MACROH2A1: variants seen among roughly 807,000 people sequenced by gnomAD.
MACROH2A1 encodes the protein core histone macro-H2A.1.
MACROH2A1 carries 2 observed loss-of-function variants against 31.6 expected under a neutral mutation model. The ratio of observed to expected loss-of-function variants is 0.06; its 90% confidence interval spans 0.03 to 0.20. MACROH2A1 has a LOEUF of 0.20. Among genes scored for constraint, MACROH2A1 ranks in the 10% least tolerant of loss-of-function variants. MACROH2A1 has a pLI of 1.00. For missense variants in MACROH2A1, 230 were observed against 474.0 expected (o/e 0.49, Z 4.78); for synonymous variants, 169 against 189.6 (o/e 0.89, Z 0.89).
intron 5 of MACROH2A1, chr5:135,357,676 A>T (rs1436393855): frequency 1.1e-6 from 1 of 951,456 alleles, no homozygotes; most frequent in Non-Finnish European, 1.3e-6. Context: ...CTCTGAAAAA[A>T]GGCTGCAAAT....
At chr5:135,339,744 G>A (rs994778490) in intron 8 of MACROH2A1, among the ~76,000 whole-genome samples, 2 of 152,168 alleles carry the variant, frequency 1.3e-5, no homozygotes, top group Non-Finnish European at 2.9e-5. Flanking sequence ...AGGCCACTTT[G>A]ATCCAAGTCA....
intron 1 of MACROH2A1, among the ~76,000 whole-genome samples, chr5:135,390,298 T>C (rs1767039834): frequency 6.6e-6 from 1 of 152,170 alleles, no homozygotes; most frequent in Admixed American, 6.5e-5. Flanking sequence ...GTGTGCCCAT[T>C]CTCCCATCAG....
At chr5:135,352,804 C>G (rs967321382) in intron 6 of MACROH2A1, 142 bp downstream of exon 6, 13 of 630,616 alleles carry the variant, frequency 2.1e-5, no homozygotes, top group Non-Finnish European at 3.5e-5. Flanking sequence ...AGTTGATATT[C>G]AGCGTCTACA....
intron 5 of MACROH2A1, chr5:135,357,749 T>G (rs1762353351): frequency 1.0e-6 from 1 of 984,948 alleles, no homozygotes; most frequent in South Asian, 4.7e-5. Context: ...ATTTCTTTTT[T>G]AAAACAATTC....
chr5:135,353,097 GAGA>G, intron 5 of MACROH2A1, 52 bp from the exon 6 acceptor site: 1 of 1,153,368 alleles, frequency 8.7e-7, no homozygotes, highest in Non-Finnish European at 1.3e-6. Flanking sequence ...GGAAGTCTCA[GAGA>G]AGGAGCCTTG....
intron 5 of MACROH2A1, chr5:135,358,596 C>G (rs997897839): frequency 3.0e-6 from 3 of 985,168 alleles, no homozygotes; most frequent in African/African-American, 1.7e-5. Flanking sequence ...GGCAGCTTAA[C>G]CATTCCTTTC....
chr5:135,363,566 T>C (rs1212280928), intron 4 of MACROH2A1, among the ~76,000 whole-genome samples: 1 of 152,250 alleles, frequency 6.6e-6, no homozygotes, highest in Non-Finnish European at 1.5e-5. Flanking sequence ...ATTTTCTTAA[T>C]CCAGTCTATC....
intron 2 of MACROH2A1, among the ~76,000 whole-genome samples, chr5:135,386,248 G>A (rs1029243179): frequency 1.3e-5 from 2 of 152,130 alleles, no homozygotes; most frequent in African/African-American, 2.4e-5. Flanking sequence ...CCAGAGTCTG[G>A]CTCCTCTCCC....
chr5:135,388,936 A>T lies in MACROH2A1; in HGVS notation c.158T>A (p.Leu53Gln). Residue 53 changes from leucine (L) to glutamine (Q), a missense_variant, in exon 2 of 9, where the codon CTG becomes CAG. Leu to Gln is a moderately radical substitution (Grantham distance 113, BLOSUM62 -2). Coordinates refer to ENST00000511689, the MANE Select transcript of MACROH2A1 (RefSeq NM_138610.3). ...GGTACACTCACCTGTCAGGTATTCC[A>T]GGACGGCGGCCATGTACACGGGTGC... ...VGAPVYMAAV[L>Q]EYLTAEILEL... 6.2e-7 allele frequency: 1 copy of T among 1,606,590 alleles called. No individual in the cohort carries two copies.
At chr5:135,397,704 T>C (rs1768212523) in intron 1 of MACROH2A1, among the ~76,000 whole-genome samples, 1 of 152,236 alleles carries the variant, frequency 6.6e-6, no homozygotes, top group African/African-American at 2.4e-5. Flanking sequence ...TCTAGTTAAA[T>C]GTGTACAATG....
intron 5 of MACROH2A1, chr5:135,357,807 T>C: frequency 2.0e-6 from 2 of 983,534 alleles, no homozygotes; most frequent in South Asian, 9.4e-5. Context: ...ATGGCTATGA[T>C]GACTCCTGAG....
intron 1 of MACROH2A1, among the ~76,000 whole-genome samples, chr5:135,393,994 A>C (rs1767610961): frequency 6.6e-6 from 1 of 152,214 alleles, no homozygotes; most frequent in Non-Finnish European, 1.5e-5. Context: ...ATGCGACTGG[A>C]GCAACGCAGT....
chr5:135,335,303 G>A (rs979221740), intron 8 of MACROH2A1, among the ~76,000 whole-genome samples, 162 bp from the exon 9 acceptor site: 2 of 152,228 alleles, frequency 1.3e-5, no homozygotes, highest in African/African-American at 4.8e-5. Flanking sequence ...GGAAAGCCCA[G>A]TGCCCAGAAG....
intron 2 of MACROH2A1, among the ~76,000 whole-genome samples, chr5:135,384,921 C>T (rs1002947349): frequency 6.6e-6 from 1 of 152,204 alleles, no homozygotes; most frequent in Non-Finnish European, 1.5e-5. Flanking sequence ...CCACCCAGCT[C>T]TAGAACACAG....
intron 2 of MACROH2A1, among the ~76,000 whole-genome samples, chr5:135,376,199 G>A (rs1764835829): frequency 6.6e-6 from 1 of 152,118 alleles, no homozygotes; most frequent in African/African-American, 2.4e-5. Flanking sequence ...TTCCAAGCCT[G>A]ACACAAACTC....
chr5:135,345,852 C>T (rs1185854887), intron 7 of MACROH2A1, 116 bp downstream of exon 7: 3 of 714,398 alleles, frequency 4.2e-6, no homozygotes, highest in African/African-American at 1.7e-5. Context: ...TGGCCTCCAT[C>T]TTGAAGATGC....
intron 2 of MACROH2A1, among the ~76,000 whole-genome samples, chr5:135,379,940 C>G (rs1269219778): frequency 6.6e-6 from 1 of 152,152 alleles, no homozygotes; most frequent in Non-Finnish European, 1.5e-5. Context: ...GCCCTTGCTA[C>G]ATTTCTAACG....
intron 6 of MACROH2A1, among the ~76,000 whole-genome samples, chr5:135,349,202 C>G (rs1761217883): frequency 6.6e-6 from 1 of 152,194 alleles, no homozygotes; most frequent in Admixed American, 6.5e-5. Flanking sequence ...TCCCATTTCA[C>G]CAAATGTCCT....
intron 7 of MACROH2A1, chr5:135,344,628 T>C (rs1180655334): frequency 1.3e-5 from 2 of 152,186 alleles, no homozygotes; most frequent in African/African-American, 4.8e-5. Flanking sequence ...GGCTAAACTA[T>C]GCATAGAAAA....
Sources: allele counts gnomAD v4.1 joint callset (sites outside exome capture counted in the v4.1 genomes callset), GRCh38; gene constraint gnomAD v4.1.1; transcripts MANE v1.5; gene names NCBI Gene and HGNC (gene_info 2026-07-23, HGNC 2026-07-21).